Variants in COP1 observed in about 807,000 individuals in gnomAD.
COP1 encodes COP1 E3 ubiquitin ligase, also known as E3 ubiquitin-protein ligase COP1.
COP1 carries 24 observed loss-of-function variants against 101.3 expected under a neutral mutation model. The ratio of observed to expected loss-of-function variants is 0.24; its 90% CI spans 0.17 to 0.33. COP1 has a LOEUF of 0.33. Among genes scored for constraint, COP1 ranks in the 10% least tolerant of loss-of-function variants. COP1 has a pLI of 1.00. For missense variants in COP1, 663 were observed against 906.2 expected (o/e 0.73, Z 3.45); for synonymous variants, 347 against 341.9 (o/e 1.01, Z -0.17).
Position 175,994,185 on chromosome 1 carries a change from A to G in COP1, c.1730-4706T>C, listed in dbSNP as rs575061542. On this transcript the variant is annotated intron_variant, in intron 15 of 19. Coordinates refer to ENST00000367669, the MANE Select transcript of COP1 (RefSeq NM_022457.7). The stretch of plus-strand genomic sequence containing the variant: ...GGAGAAATAAAATACTTTACAGACA[A>G]ACAAATGCTGAGAGAATCTGTCACC... 3.9e-5 allele frequency among the ~76,000 whole-genome samples: 6 copies of G among 152,282 alleles called. 1 individual carries two copies. The highest frequency in any genetic ancestry group is 3.9e-4 in the Admixed American group (6 of 15,290).
chr1:176,198,767 G>GTC (rs1699971399), intron 1 of COP1, among the ~76,000 whole-genome samples: 1 of 152,024 alleles, frequency 6.6e-6, no homozygotes, highest in Non-Finnish European at 1.5e-5. Context: ...AACGCAAGAT[G>GTC]ACATGCAATT....
At chr1:176,156,382 T>C (rs1294960644) in intron 5 of COP1, among the ~76,000 whole-genome samples, 1 of 151,938 alleles carries the variant, frequency 6.6e-6, no homozygotes, top group Non-Finnish European at 1.5e-5. Context: ...GAAGAAGTGA[T>C]AAAGAACAGG....
rs999184149 is a variant in COP1 at position 176,206,874 on chromosome 1, C to T, written c.105G>A (p.Pro35=). 3 of 1,442,486 alleles carry T rather than the reference C, an allele frequency of 2.1e-6. No homozygotes were observed. Among genetic ancestry groups the T allele is most frequent in the African/African-American group, 3.0e-5 (2 of 67,692 alleles). The allele number at this position is 1,442,486 out of a possible 1,614,324, so 89.4% of individuals were successfully genotyped here. A position where few individuals can be genotyped will look rare whatever the true frequency, so the allele number is the denominator to read the frequency against. The change falls in exon 1 of 20, where the codon CCG becomes CCA. Residue 35 remains proline, a synonymous_variant. Coordinates refer to ENST00000367669, the MANE Select transcript of COP1 (RefSeq NM_022457.7). ...CCGAAACCGCCACGGAAGGCGGCGA[C>T]GGGGAAGAGGATAAAGACGAGGAGG... ...TSASSSLSSS[P]SPPSVAVSAA...
intron 15 of COP1, among the ~76,000 whole-genome samples, chr1:175,999,391 A>C (rs1243579240): frequency 1.3e-5 from 2 of 152,092 alleles, no homozygotes; most frequent in African/African-American, 2.4e-5. Flanking sequence ...ATTTCACTTT[A>C]CATAATGATC....
At chr1:176,181,733 C>T (rs557196452) in intron 2 of COP1, among the ~76,000 whole-genome samples, 212 of 151,726 alleles carry the variant, frequency 1.4e-3, no homozygotes, top group African/African-American at 4.8e-3. Flanking sequence ...CCCAGCTACT[C>T]GGGAGGCTGA....
At chr1:176,023,840 T>C (rs1270329730) in intron 15 of COP1, among the ~76,000 whole-genome samples, 1 of 152,054 alleles carries the variant, frequency 6.6e-6, no homozygotes, top group African/African-American at 2.4e-5. Context: ...ATGAATTCTA[T>C]CAAATATTTA....
intron 1 of COP1, among the ~76,000 whole-genome samples, chr1:176,191,185 C>T (rs954937193): frequency 2.0e-5 from 3 of 151,868 alleles, no homozygotes; most frequent in Non-Finnish European, 2.9e-5. Flanking sequence ...AAAACAGACT[C>T]GAAAACAATA....
At chr1:175,955,259 A>G (rs1410504390) in intron 18 of COP1, among the ~76,000 whole-genome samples, 1 of 152,138 alleles carries the variant, frequency 6.6e-6, no homozygotes, top group Non-Finnish European at 1.5e-5. Context: ...AAAAAAAGAA[A>G]AAGTAATGTA....
intron 1 of COP1, among the ~76,000 whole-genome samples, chr1:176,185,207 C>T (rs558432859): frequency 6.6e-6 from 1 of 152,250 alleles, no homozygotes; most frequent in Non-Finnish European, 1.5e-5. Context: ...AAACTATACA[C>T]ATTAAACCCA....
At chr1:176,114,987 GA>G (rs1399613913) in intron 9 of COP1, among the ~76,000 whole-genome samples, 2 of 152,062 alleles carry the variant, frequency 1.3e-5, no homozygotes, top group Non-Finnish European at 2.9e-5. Flanking sequence ...AAACAATCCA[GA>G]AAAGAAATTA....
At chr1:176,181,343 G>A (rs1038512653) in intron 2 of COP1, among the ~76,000 whole-genome samples, 2 of 151,780 alleles carry the variant, frequency 1.3e-5, no homozygotes, top group African/African-American at 4.8e-5. Flanking sequence ...GACACAAGAG[G>A]CTACGGTTAA....
intron 15 of COP1, among the ~76,000 whole-genome samples, chr1:176,022,914 G>C: frequency 6.6e-6 from 1 of 152,174 alleles, no homozygotes; most frequent in Non-Finnish European, 1.5e-5. Context: ...ACTTATTTAA[G>C]ATTTGAAAGG....
chr1:175,981,474 TG>T (rs781150690), intron 18 of COP1, among the ~76,000 whole-genome samples: 8 of 152,186 alleles, frequency 5.3e-5, no homozygotes, highest in Non-Finnish European at 8.8e-5. Context: ...GATATCCATA[TG>T]CAGAAGAATG....
At chr1:176,107,549 G>C (rs1042146395) in intron 9 of COP1, among the ~76,000 whole-genome samples, 1 of 152,008 alleles carries the variant, frequency 6.6e-6, no homozygotes, top group Non-Finnish European at 1.5e-5. Context: ...AATGACCCAG[G>C]ATTCCACAAC....
At chr1:176,193,604 TA>T (rs1205084412) in intron 1 of COP1, among the ~76,000 whole-genome samples, 59 of 152,218 alleles carry the variant, frequency 3.9e-4, no homozygotes, top group Non-Finnish European at 7.4e-5. Context: ...TATTCCCACA[TA>T]ATGGAATATT....
chr1:176,033,517 AC>A (rs1275354391), intron 14 of COP1, among the ~76,000 whole-genome samples: 1 of 152,190 alleles, frequency 6.6e-6, no homozygotes, highest in Admixed American at 6.5e-5. Flanking sequence ...CTTCAAACTC[AC>A]ATTTAAAGAA....
intron 8 of COP1, among the ~76,000 whole-genome samples, chr1:176,121,427 A>G (rs1272338716): frequency 3.9e-5 from 6 of 152,164 alleles, no homozygotes; most frequent in Non-Finnish European, 8.8e-5. Context: ...TATGCGACTA[A>G]TCTGTCAACA....
chr1:176,063,572 A>T (rs889827313), intron 11 of COP1, among the ~76,000 whole-genome samples: 3 of 152,220 alleles, frequency 2.0e-5, no homozygotes, highest in Non-Finnish European at 4.4e-5. Flanking sequence ...CAAGTTATCC[A>T]CAAAATCACC....
At chr1:176,106,470 TG>T in intron 9 of COP1, among the ~76,000 whole-genome samples, 1 of 152,244 alleles carries the variant, frequency 6.6e-6, no homozygotes, top group Non-Finnish European at 1.5e-5. Flanking sequence ...GTTAGGCAGC[TG>T]GAGGCTACAA....
Sources: gnomAD v4.1 joint callset for allele counts (sites outside exome capture counted in the v4.1 genomes callset) on GRCh38, gnomAD v4.1.1 for gene constraint, MANE v1.5 for transcripts, NCBI Gene and HGNC (gene_info 2026-07-23, HGNC 2026-07-21) for gene names.